PXDN: variants seen among roughly 807,000 people sequenced by gnomAD.
PXDN encodes peroxidasin, also known as peroxidasin homolog.
A neutral mutation model predicts 140.3 loss-of-function variants in PXDN; 77 were observed. The ratio of observed to expected loss-of-function variants is 0.55; its 90% CI spans 0.46 to 0.66. The LOEUF is 0.66. Ranked by LOEUF, PXDN falls within the 30% of genes least tolerant of loss-of-function variation. PXDN has a pLI of 0.00. For missense variants in PXDN, 1,838 were observed against 2,039.5 expected (o/e 0.90, Z 1.90); for synonymous variants, 911 against 857.4 (o/e 1.06, Z -1.09).
chr2:1,690,536 A>C (rs1684161568), intron 3 of PXDN, among the ~76,000 whole-genome samples: 1 of 152,020 alleles, frequency 6.6e-6, no homozygotes. Flanking sequence ...AAACCTGTTA[A>C]ACCTATTAAA....
intron 4 of PXDN, among the ~76,000 whole-genome samples, chr2:1,686,987 C>T (rs1343202817): frequency 1.4e-5 from 2 of 146,570 alleles, no homozygotes; most frequent in Non-Finnish European, 2.9e-5. Context: ...GGTGACTGGC[C>T]GAGCAAACAA....
At chr2:1,678,053 C>A (rs1639823792) in intron 7 of PXDN, among the ~76,000 whole-genome samples, 1 of 152,216 alleles carries the variant, frequency 6.6e-6, no homozygotes, top group Admixed American at 6.5e-5. Context: ...CCTTCCGTCT[C>A]CCCAGCATTG....
rs1227227758 is a variant in PXDN at position 1,687,432 on chromosome 2, G to A, written c.416+200C>T. Among the ~76,000 whole-genome samples the A allele has an allele frequency of 6.6e-6, 1 of 152,204 alleles. No homozygotes were observed. The highest frequency in any genetic ancestry group is 2.4e-5 in the African/African-American group (1 of 41,458). ...GGATACGTCCTGAGGGGTGGGTGGA[G>A]GGCTGGCTGGGTGGAAGGCGGGGCG... On this transcript the variant is annotated intron_variant, in intron 4 of 22. Coordinates refer to ENST00000252804, the MANE Select transcript of PXDN (RefSeq NM_012293.3). This position sits in a 1 kb window ranked among gnomAD's most constrained non-coding sequence, Gnocchi z 4.0.
In PXDN at chr2:1,706,447, G is replaced by A. The variant is rs145905984; in HGVS notation, c.201-13313C>T. ...CTGCCCCACTAATAATACAACCTGA[G>A]AGCACGCTGCAGTGTTCACCAATCA... On this transcript the variant is annotated intron_variant, in intron 1 of 22. Coordinates refer to ENST00000252804, the MANE Select transcript of PXDN (RefSeq NM_012293.3). Among the ~76,000 whole-genome samples, 464 of 149,870 alleles carry A rather than the reference G, an allele frequency of 3.1e-3. 12 individuals carry two copies. Among genetic ancestry groups the A allele is most frequent in the African/African-American group, 0.011 (435 of 39,238 alleles).
chr2:1,674,187 A>C (rs1437871419), intron 8 of PXDN, among the ~76,000 whole-genome samples: 1 of 152,254 alleles, frequency 6.6e-6, no homozygotes, highest in Admixed American at 6.5e-5. Flanking sequence ...CATTACTAAA[A>C]GCCAGAGCTG....
chr2:1,739,752 G>A (rs1168481174), intron 1 of PXDN, among the ~76,000 whole-genome samples: 1 of 152,170 alleles, frequency 6.6e-6, no homozygotes, highest in Non-Finnish European at 1.5e-5. Context: ...AACACAGAGA[G>A]CTCTGAAGAT....
Position 1,673,582 on chromosome 2 carries a change from G to C in PXDN, c.1018+61C>G. 5.8e-6 allele frequency: 9 copies of C among 1,541,274 alleles called. No individual in the cohort carries two copies. The South Asian group carries it at 1.1e-4, about 19-fold the overall frequency. On this transcript the variant is annotated intron_variant, in intron 9 of 22. Transcript: ENST00000252804. Reference sequence around the variant, plus strand: ...ATTTTGGGGTGCAAGGAAAGGAGAAGGCAGATAGTGAGGGACGACAATTCT... The same window carrying C: ...ATTTTGGGGTGCAAGGAAAGGAGAACGCAGATAGTGAGGGACGACAATTCT...
At chr2:1,671,987 T>C (rs1436018311) in intron 9 of PXDN, 3 of 152,242 alleles carry the variant, frequency 2.0e-5, no homozygotes, top group Admixed American at 6.5e-5. Context: ...TGTTCTTCTT[T>C]TAAAAGTTTT....
At chr2:1,657,856 C>G (rs994769236) in intron 14 of PXDN, among the ~76,000 whole-genome samples, 6 of 145,814 alleles carry the variant, frequency 4.1e-5, no homozygotes, top group Non-Finnish European at 7.4e-5. Context: ...CCGCCCTCTC[C>G]TGACAAGGAC....
chr2:1,737,433 T>G (rs1278616351), intron 1 of PXDN, among the ~76,000 whole-genome samples: 1 of 152,236 alleles, frequency 6.6e-6, no homozygotes, highest in African/African-American at 2.4e-5. Flanking sequence ...AGCTTCAGTT[T>G]ACATTGCATG....
chr2:1,729,752 A>G (rs1685270957), intron 1 of PXDN, among the ~76,000 whole-genome samples: 2 of 152,240 alleles, frequency 1.3e-5, no homozygotes, highest in Non-Finnish European at 2.9e-5. Context: ...TGCCGTAAAA[A>G]CAATCTAGAC....
chr2:1,663,913 C>A (rs1336527456), intron 11 of PXDN, 150 bp from the exon 12 acceptor site: 2 of 866,208 alleles, frequency 2.3e-6, no homozygotes, highest in Non-Finnish European at 3.6e-6. Context: ...ATCTTTGCCT[C>A]CCCAGCAGAC....
Position 1,653,802 on chromosome 2 carries a change from G to A in PXDN, c.1947-17C>T. 1 of 1,541,112 alleles carries A rather than the reference G, an allele frequency of 6.5e-7. No homozygotes were observed. The highest frequency in any genetic ancestry group is 8.8e-7 in the Non-Finnish European group (1 of 1,136,698). Reference sequence around the variant, plus strand: ...CGAGGACGGCTAACCAGAGTTTAGGGGGAAGAAAGGAAGAATGAAACAAAT... The same window carrying A: ...CGAGGACGGCTAACCAGAGTTTAGGAGGAAGAAAGGAAGAATGAAACAAAT... On this transcript the variant is annotated splice_polypyrimidine_tract_variant and intron_variant, in intron 15 of 22. Transcript: ENST00000252804.
At chr2:1,720,283 G>GAGAGAGAGAGAGGGAGGGAGGGATGC (rs1685006866) in intron 1 of PXDN, among the ~76,000 whole-genome samples, 1 of 124,114 alleles carries the variant, frequency 8.1e-6, no homozygotes, top group Admixed American at 8.3e-5. Context: ...GAGGGATGCA[G>GAGAGAGAGAGAGGGAGGGAGGGATGC]AGAGAGAGAG....
chr2:1,738,830 A>G (rs1685475743), intron 1 of PXDN, among the ~76,000 whole-genome samples: 1 of 152,204 alleles, frequency 6.6e-6, no homozygotes, highest in South Asian at 2.1e-4. Context: ...TACAGCCATC[A>G]GCCACCACAC....
intron 19 of PXDN, among the ~76,000 whole-genome samples, chr2:1,642,192 G>T (rs2125405988): frequency 6.6e-6 from 1 of 151,878 alleles, no homozygotes; most frequent in South Asian, 2.1e-4. Flanking sequence ...GCAGATGCAG[G>T]ATTAGATCAC....
intron 7 of PXDN, among the ~76,000 whole-genome samples, chr2:1,679,012 T>C (rs1683798135): frequency 6.6e-6 from 1 of 152,130 alleles, no homozygotes; most frequent in Non-Finnish European, 1.5e-5. Flanking sequence ...AACTGTGTAT[T>C]TTTGTCGTAT....
At chr2:1,670,786 A>G (rs1199477344) in intron 9 of PXDN, among the ~76,000 whole-genome samples, 1 of 152,216 alleles carries the variant, frequency 6.6e-6, no homozygotes, top group African/African-American at 2.4e-5. Flanking sequence ...AGAAAACTGA[A>G]CAGCAGCTGC....
At chr2:1,658,158 C>A (rs942601629) in intron 14 of PXDN, among the ~76,000 whole-genome samples, 2 of 151,566 alleles carry the variant, frequency 1.3e-5, no homozygotes, top group Admixed American at 1.3e-4. Context: ...CCCGCCCGGC[C>A]TCTGAGGCTG....
Sources: allele counts gnomAD v4.1 joint callset (sites outside exome capture counted in the v4.1 genomes callset), GRCh38; gene constraint gnomAD v4.1.1; non-coding constraint Gnocchi (gnomAD v3.1); transcripts MANE v1.5; gene names NCBI Gene and HGNC (gene_info 2026-07-23, HGNC 2026-07-21).